Variants in ZFYVE28 observed in about 807,000 individuals in gnomAD.
ZFYVE28 encodes the protein lateral signaling target protein 2 homolog.
Under a neutral mutation model 82.1 loss-of-function variants are expected in ZFYVE28, and 40 were observed. The ratio of observed to expected loss-of-function variants is 0.49; its 90% CI spans 0.38 to 0.63. The LOEUF is 0.63. ZFYVE28 is among the 30% of genes least tolerant of loss of function. The probability of loss-of-function intolerance (pLI) is 0.00; values close to 1 mark genes in which losing one functional copy is unlikely to be tolerated. For missense variants in ZFYVE28, 1,321 were observed against 1,242.1 expected (o/e 1.06, Z -0.96); for synonymous variants, 612 against 546.1 (o/e 1.12, Z -1.68).
intron 8 of ZFYVE28, among the ~76,000 whole-genome samples, chr4:2,294,176 G>A (rs1301505036): frequency 1.3e-5 from 2 of 151,984 alleles, no homozygotes; most frequent in Non-Finnish European, 2.9e-5. Context: ...ATAAAGCTGG[G>A]CACTTGCACT....
chr4:2,335,592 C>T lies in ZFYVE28; in HGVS notation c.701+113G>A, dbSNP rs1578143037. 1.0e-5 allele frequency: 10 copies of T among 961,256 alleles called. No homozygotes were observed. The East Asian group carries it at 1.1e-4, about 10-fold the overall frequency. The allele number at this position is 961,256 out of a possible 1,614,324, so 59.5% of individuals were successfully genotyped here. On this transcript the variant is annotated intron_variant, in intron 6 of 12. Coordinates refer to ENST00000290974, the MANE Select transcript of ZFYVE28 (RefSeq NM_020972.3). The surrounding 1 kb of genome is among the most constrained non-coding windows in gnomAD (Gnocchi z 5.8). The stretch of plus-strand genomic sequence containing the variant: ...CCTGTCACTGATCGGGACAGCTGAG[C>T]GGCCACCGTGAGGTGGAGACGCCAT...
chr4:2,354,897 C>T (rs1725008270), intron 1 of ZFYVE28, among the ~76,000 whole-genome samples: 1 of 151,874 alleles, frequency 6.6e-6, no homozygotes, highest in Admixed American at 6.6e-5. Context: ...TGCCACACAC[C>T]CCCCACTTCT....
chr4:2,391,111 C>CTGT (rs373369548), intron 1 of ZFYVE28, among the ~76,000 whole-genome samples: 27 of 152,358 alleles, frequency 1.8e-4, no homozygotes, highest in African/African-American at 2.6e-4. Context: ...CCTAAATGAC[C>CTGT]GACAAGGGGC....
intron 8 of ZFYVE28, among the ~76,000 whole-genome samples, chr4:2,292,507 T>C (rs1385538114): frequency 6.6e-6 from 1 of 152,122 alleles, no homozygotes; most frequent in Non-Finnish European, 1.5e-5. Flanking sequence ...CCAGATCAGG[T>C]CATCGAGTGC....
In ZFYVE28 at chr4:2,335,638, C is replaced by T; in HGVS notation, c.701+67G>A. On this transcript the variant is annotated intron_variant, in intron 6 of 12. Transcript: ENST00000290974. The surrounding 1 kb of genome is among the most constrained non-coding windows in gnomAD (Gnocchi z 5.8). ...GCCATGGACCGGCACCCGCACGGGA[C>T]CTGGCACCATCAGCCCTGCCCGTCC... 1 of 1,471,388 alleles carries T rather than the reference C, an allele frequency of 6.8e-7. No individual in the cohort carries two copies. The highest frequency in any genetic ancestry group is 2.5e-5 in the East Asian group (1 of 40,530). 91.1% of individuals were successfully genotyped at this position (1,471,388 alleles called of 1,614,324 possible).
At chr4:2,308,944 A>G (rs762363158) in intron 7 of ZFYVE28, among the ~76,000 whole-genome samples, 1 of 152,206 alleles carries the variant, frequency 6.6e-6, no homozygotes, top group African/African-American at 2.4e-5. Flanking sequence ...ATAACTTTCA[A>G]TGGAGGTCTT....
intron 2 of ZFYVE28, among the ~76,000 whole-genome samples, chr4:2,346,341 CAAAA>C (rs533714412): frequency 1.1e-4 from 11 of 98,138 alleles, no homozygotes; most frequent in African/African-American, 4.3e-4. Context: ...GACTCCATCT[CAAAA>C]AAAAAAAAAG....
chr4:2,369,841 T>TTATTTTATTTTA (rs1461182598), intron 1 of ZFYVE28, among the ~76,000 whole-genome samples: 2 of 136,010 alleles, frequency 1.5e-5, no homozygotes, highest in African/African-American at 2.7e-5. Context: ...GGATTTTTTT[T>TTATTTTATTTTA]TTTCTTTTCT....
At chr4:2,309,734 G>A (rs948659626) in intron 7 of ZFYVE28, among the ~76,000 whole-genome samples, 45 of 152,324 alleles carry the variant, frequency 3.0e-4, no homozygotes, top group Non-Finnish European at 6.0e-4. Context: ...GTGTGCTGCA[G>A]TACACACACA....
At chr4:2,295,023 G>A (rs1577942510) in intron 8 of ZFYVE28, among the ~76,000 whole-genome samples, 3 of 151,862 alleles carry the variant, frequency 2.0e-5, no homozygotes, top group Admixed American at 6.6e-5. Flanking sequence ...AAACTACAAC[G>A]AGGTACCACT....
chr4:2,290,459 C>A (rs891644574), intron 8 of ZFYVE28, among the ~76,000 whole-genome samples: 1 of 152,220 alleles, frequency 6.6e-6, no homozygotes. Context: ...CGTAGCTACC[C>A]TGACACTCCT....
At chr4:2,360,043 G>A (rs1396893551) in intron 1 of ZFYVE28, among the ~76,000 whole-genome samples, 1 of 152,100 alleles carries the variant, frequency 6.6e-6, no homozygotes, top group Non-Finnish European at 1.5e-5. Flanking sequence ...CAACCTGCGA[G>A]GCCATTTGTG....
Position 2,376,405 on chromosome 4 carries a change from A to G in ZFYVE28, c.40-22332T>C, listed in dbSNP as rs185495829. Among the ~76,000 whole-genome samples, 383 of 146,604 alleles carry G rather than the reference A, an allele frequency of 2.6e-3. 5 individuals are homozygous for G. Among genetic ancestry groups the G allele is most frequent in the African/African-American group, 8.1e-3 (319 of 39,444 alleles). On this transcript the variant is annotated intron_variant, in intron 1 of 12. Coordinates refer to ENST00000290974, the MANE Select transcript of ZFYVE28 (RefSeq NM_020972.3). Reference sequence around the variant, plus strand: ...AAAAAAAAAAAAAAAAAAAGTTTTTAAATTCGCCAGATGTATTAGTCCATT... The same window carrying G: ...AAAAAAAAAAAAAAAAAAAGTTTTTGAATTCGCCAGATGTATTAGTCCATT...
At chr4:2,312,726 C>CA (rs1170479977) in intron 7 of ZFYVE28, among the ~76,000 whole-genome samples, 15,177 of 64,880 alleles carry the variant, frequency 0.23, 1,523 homozygotes, top group Middle Eastern at 0.31. Context: ...GACTCTGCCT[C>CA]AAAAAAAAAA....
chr4:2,320,375 T>C lies in ZFYVE28; in HGVS notation c.702-104A>G, dbSNP rs998322179. The C allele has an allele frequency of 5.4e-6, 5 of 925,472 alleles. No homozygotes were observed. Among genetic ancestry groups the C allele is most frequent in the Admixed American group, 2.3e-5 (1 of 43,086 alleles). 57.3% of individuals were successfully genotyped at this position (925,472 alleles called of 1,614,324 possible). Reference sequence around the variant, plus strand: ...GCGAAAACCACGCCCGCTGGGACTCTGCAGCGCCACTGTCCCAGCACGGCC... The same window carrying C: ...GCGAAAACCACGCCCGCTGGGACTCCGCAGCGCCACTGTCCCAGCACGGCC... On this transcript the variant is annotated intron_variant, in intron 6 of 12. Transcript: ENST00000290974. The surrounding 1 kb of genome is among the most constrained non-coding windows in gnomAD (Gnocchi z 5.1).
In ZFYVE28 at chr4:2,270,780, G is replaced by A; in HGVS notation, c.2609C>T (p.Thr870Ile). 1 of 1,613,266 alleles carries A rather than the reference G, an allele frequency of 6.2e-7. No homozygotes were observed. Among genetic ancestry groups the A allele is most frequent in the African/African-American group, 1.3e-5 (1 of 75,066 alleles). The change falls in exon 13 of 13, where the codon ACC becomes ATC. Residue 870 changes from threonine to isoleucine, a missense_variant. Physicochemically the swap from Thr to Ile is moderately conservative, Grantham distance 89. Around this residue, in one of 2 missense-constraint regions of ZFYVE28, gnomAD observed 978 missense variants for 833.7 expected, o/e 1.17. Coordinates refer to ENST00000290974, the MANE Select transcript of ZFYVE28 (RefSeq NM_020972.3). ...CGTGACATGGAACATGTAGCAGTGG[G>A]TGCACACTCGGACCGGCTTCACCTG... is the stretch of plus-strand genomic sequence containing the variant. ...YGQVKPVRVC[T>I]HCYMFHVTPF...
chr4:2,339,501 C>T lies in ZFYVE28; in HGVS notation c.473G>A (p.Arg158Lys). Residue 158 changes from arginine to lysine, a missense_variant, in exon 4 of 13, where the codon AGG becomes AAG. By Grantham distance (26) the Arg-to-Lys change is conservative (BLOSUM62 2). Around this residue, in one of 2 missense-constraint regions of ZFYVE28, gnomAD observed 343 missense variants for 408.4 expected, o/e 0.84. Transcript: ENST00000290974. The surrounding 1 kb of genome is among the most constrained non-coding windows in gnomAD (Gnocchi z 5.0). Reference protein sequence around the residue: ...RDLNTYTEKMREALRHFDVLF... With the variant: ...RDLNTYTEKMKEALRHFDVLF... ...GACGTCGAAGTGCCTCAGCGCTTCCCTCATCTTCTCTGTGTAGGTGTTCAG... is the reference window on the plus strand; with the variant it reads ...GACGTCGAAGTGCCTCAGCGCTTCCTTCATCTTCTCTGTGTAGGTGTTCAG... 7 of 1,614,014 alleles carry T rather than the reference C, an allele frequency of 4.3e-6. No homozygotes were observed. The highest frequency in any genetic ancestry group is 5.9e-6 in the Non-Finnish European group (7 of 1,179,992).
chr4:2,279,894 G>T (rs1338217336), intron 8 of ZFYVE28, among the ~76,000 whole-genome samples: 5 of 152,234 alleles, frequency 3.3e-5, no homozygotes, highest in Non-Finnish European at 5.9e-5. Context: ...GCTGAAGGGG[G>T]AGGGGAACAT....
intron 6 of ZFYVE28, among the ~76,000 whole-genome samples, chr4:2,334,107 C>T (rs550559337): frequency 9.2e-5 from 14 of 152,250 alleles, no homozygotes; most frequent in East Asian, 3.9e-4. Context: ...CTCCCTCTGG[C>T]GCGATGTGAG....
Sources: allele counts gnomAD v4.1 joint callset (sites outside exome capture counted in the v4.1 genomes callset), GRCh38; gene constraint gnomAD v4.1.1; regional missense constraint gnomAD v4.1.1; non-coding constraint Gnocchi (gnomAD v3.1); transcripts MANE v1.5; gene names NCBI Gene and HGNC (gene_info 2026-07-23, HGNC 2026-07-21).